Variants in AVEN observed in about 807,000 individuals in gnomAD.
AVEN encodes cell death regulator Aven.
AVEN carries 41 observed loss-of-function variants against 38.1 expected under a neutral mutation model. The ratio of observed to expected loss-of-function variants is 1.08; its 90% CI spans 0.84 to 1.40. The LOEUF (loss-of-function observed/expected upper bound fraction) is 1.40, where lower values mean the gene tolerates loss of function less well. AVEN is among the 40% of genes most tolerant of loss of function. AVEN has a pLI of 0.00. For missense variants in AVEN, 605 were observed against 438.8 expected (o/e 1.38, Z -3.38); for synonymous variants, 206 against 171.8 (o/e 1.20, Z -1.56).
intron 2 of AVEN, among the ~76,000 whole-genome samples, chr15:33,894,515 TAA>T (rs71117190): frequency 0.042 from 5,554 of 132,158 alleles, 297 homozygotes; most frequent in South Asian, 0.14. Flanking sequence ...GTTTTTCTCT[TAA>T]AAAAAAAAAA....
chr15:33,995,208 G>A (rs1896884425), intron 2 of AVEN, among the ~76,000 whole-genome samples: 1 of 152,100 alleles, frequency 6.6e-6, no homozygotes, highest in South Asian at 2.1e-4. Context: ...AGGCTGCAGT[G>A]AGCTATGATC....
intron 5 of AVEN, chr15:34,062,726 G>C: frequency 1.2e-6 from 2 of 1,608,474 alleles, no homozygotes; most frequent in Non-Finnish European, 1.7e-6. Context: ...GGATGGAAGG[G>C]GATTCTTACC....
downstream of AVEN, chr15:33,856,332 T>C (rs2079655177): frequency 6.6e-6 from 1 of 152,298 alleles, no homozygotes; most frequent in South Asian, 2.1e-4. Context: ...TTTGTGTGGC[T>C]CCTTGAAGGC....
Position 33,877,699 on chromosome 15 carries a change from C to T in AVEN, c.446-1704G>A, listed in dbSNP as rs149535098. On this transcript the variant is annotated intron_variant, in intron 2 of 5. Transcript: ENST00000306730. ...GTCACGGTGTCTCATGCCTGTAATC[C>T]CAGCATTGTCGGAGGCCGAGGCAGG... Among the ~76,000 whole-genome samples, 892 of 152,230 alleles carry T rather than the reference C, an allele frequency of 5.9e-3. 7 individuals are homozygous for T. The highest frequency in any genetic ancestry group is 0.02 in the African/African-American group (847 of 41,514).
chr15:33,910,019 T>C (rs1258120056), intron 2 of AVEN, among the ~76,000 whole-genome samples: 1 of 151,576 alleles, frequency 6.6e-6, no homozygotes, highest in African/African-American at 2.4e-5. Flanking sequence ...TCTTAGCTAC[T>C]CGGGAGGCTG....
At position 34,063,924 on chromosome 15, in the gene AVEN, A is replaced by T. The variant is rs1465544408; in HGVS notation, n.1127-492T>A. ...CAATGGCTGTCACAAGGTGAAAATC[A>T]TGCCCTGCCCCTTCCCAGTGGCCAA... On this transcript the variant is annotated intron_variant and non_coding_transcript_variant, in intron 4 of 11. Transcript: ENST00000675287. This position sits in a 1 kb window ranked among gnomAD's most constrained non-coding sequence, Gnocchi z 4.1. 2 of 1,614,166 alleles carry T rather than the reference A, an allele frequency of 1.2e-6. No individual in the cohort carries two copies. The highest frequency in any genetic ancestry group is 1.7e-6 in the Non-Finnish European group (2 of 1,180,036).
At chr15:33,981,444 CAA>C (rs1188152078) in intron 2 of AVEN, among the ~76,000 whole-genome samples, 2 of 144,488 alleles carry the variant, frequency 1.4e-5, no homozygotes, top group African/African-American at 5.0e-5. Context: ...TAAACATAAC[CAA>C]GTTTTTTTAA....
At chr15:34,049,768 T>G (rs892559490) in intron 5 of AVEN, among the ~76,000 whole-genome samples, 1 of 151,498 alleles carries the variant, frequency 6.6e-6, no homozygotes, top group African/African-American at 2.4e-5. Context: ...GAAAAAATAT[T>G]AAGGGCAGCC....
intron 2 of AVEN, among the ~76,000 whole-genome samples, chr15:33,958,593 GA>G (rs1327584853): frequency 1.8e-3 from 214 of 122,266 alleles, no homozygotes; most frequent in African/African-American, 3.6e-3. Flanking sequence ...CCTATCTCAA[GA>G]AAAAAAAAAA....
chr15:33,916,898 G>A (rs1191354291), intron 2 of AVEN, among the ~76,000 whole-genome samples: 1 of 152,082 alleles, frequency 6.6e-6, no homozygotes, highest in Non-Finnish European at 1.5e-5. Context: ...GGTGGAAGGG[G>A]AAGCAAACAC....
At chr15:34,021,830 G>A (rs753712925) in intron 1 of AVEN, among the ~76,000 whole-genome samples, 80 of 152,140 alleles carry the variant, frequency 5.3e-4, no homozygotes, top group African/African-American at 1.8e-3. Context: ...ACTCCAGCCT[G>A]GGTGGACAGC....
the AVEN span, chr15:33,852,678 T>C: frequency 1.0e-5 from 2 of 192,598 alleles, no homozygotes; most frequent in Non-Finnish European, 1.1e-5. Flanking sequence ...ACTCATTGAA[T>C]GGAATGCCTG....
At chr15:33,888,323 G>C (rs1891787260) in intron 2 of AVEN, among the ~76,000 whole-genome samples, 1 of 152,042 alleles carries the variant, frequency 6.6e-6, no homozygotes, top group Non-Finnish European at 1.5e-5. Context: ...GTGTGGCAGG[G>C]GGAAGGGGGG....
intron 2 of AVEN, among the ~76,000 whole-genome samples, chr15:33,935,830 A>T (rs1387420927): frequency 2.0e-5 from 3 of 152,152 alleles, no homozygotes; most frequent in Non-Finnish European, 4.4e-5. Context: ...ACTATTTTCC[A>T]AATTTTCTAT....
chr15:34,046,562 C>A (rs904451604), intron 5 of AVEN: 3 of 152,166 alleles, frequency 2.0e-5, no homozygotes, highest in African/African-American at 4.8e-5. Flanking sequence ...TCATTCTCAG[C>A]CTTGCAACTT....
intron 2 of AVEN, among the ~76,000 whole-genome samples, chr15:33,942,881 G>T (rs1360683327): frequency 1.3e-5 from 2 of 152,180 alleles, no homozygotes; most frequent in Non-Finnish European, 2.9e-5. Context: ...CAAAAATCAT[G>T]ATTTATTTGG....
At chr15:33,857,254 CA>C (rs1340701694), downstream of AVEN, among the ~76,000 whole-genome samples, 2 of 244 alleles carry the variant, frequency 8.2e-3, no homozygotes, top group African/African-American at 0.011. Context: ...CTGGCAGCAC[CA>C]GCACCTGGTC....
intron 2 of AVEN, among the ~76,000 whole-genome samples, chr15:33,932,404 G>A (rs372010909): frequency 6.6e-6 from 1 of 152,276 alleles, no homozygotes; most frequent in Non-Finnish European, 1.5e-5. Flanking sequence ...ACAACTCTAT[G>A]TACACTGACA....
At chr15:33,980,912 C>T (rs906386829) in intron 2 of AVEN, among the ~76,000 whole-genome samples, 1 of 152,110 alleles carries the variant, frequency 6.6e-6, no homozygotes, top group East Asian at 1.9e-4. Flanking sequence ...AAAATCGTAT[C>T]ACTAGAGCCT....
Sources: gnomAD v4.1 joint callset for allele counts (sites outside exome capture counted in the v4.1 genomes callset) on GRCh38, gnomAD v4.1.1 for gene constraint, Gnocchi (gnomAD v3.1) non-coding constraint, MANE v1.5 for transcripts, NCBI Gene and HGNC (gene_info 2026-07-23, HGNC 2026-07-21) for gene names.